Variants in SMO observed in about 807,000 individuals in gnomAD.
SMO encodes protein smoothened.
In SMO, 40 loss-of-function variants were observed where a neutral mutation model predicts 81.6. That is an observed-to-expected ratio of 0.49 (90% CI 0.38 to 0.64). The LOEUF (loss-of-function observed/expected upper bound fraction) is 0.64, where lower values mean the gene tolerates loss of function less well. SMO is among the 30% of genes least tolerant of loss of function. The pLI is 0.00. For missense variants in SMO, 916 were observed against 1,061.1 expected (o/e 0.86, Z 1.90); for synonymous variants, 434 against 432.1 (o/e 1.00, Z -0.05).
Position 129,211,469 on chromosome 7 carries a change from C to CTCTTCAGAT in SMO, c.1802-163_1802-155dup. 1 of 804,704 alleles carries CTCTTCAGAT rather than the reference C, an allele frequency of 1.2e-6. No homozygotes were observed. The highest frequency in any genetic ancestry group is 2.1e-6 in the Non-Finnish European group (1 of 474,916). The allele number at this position is 804,704 out of a possible 1,614,324, so 49.8% of individuals were successfully genotyped here. On this transcript the variant is annotated intron_variant, in intron 10 of 11. Transcript: ENST00000249373. The surrounding 1 kb of genome is among the most constrained non-coding windows in gnomAD (Gnocchi z 4.6). Reference sequence around the variant, plus strand: ...GGCCCTTTGGGGACGTGAGGCCCTTCTCTTCAGATTCTGAAGGGGTAGAGA... The same window carrying CTCTTCAGAT: ...GGCCCTTTGGGGACGTGAGGCCCTTCTCTTCAGATTCTTCAGATTCTGAAGGGGTAGAGA...
rs567539359 is a variant in SMO, at chr7:129,200,731, T to TG, written c.332-2653_332-2652insG. On this transcript the variant is annotated intron_variant, in intron 1 of 11. Coordinates refer to ENST00000249373, the MANE Select transcript of SMO (RefSeq NM_005631.5). ...GATTGAGAAAAATTACAGTTTTTTTTTTGTTGTTGTTTGTTTGTTTGTTTT... is the reference window on the plus strand; with the variant it reads ...GATTGAGAAAAATTACAGTTTTTTTTGTTGTTGTTGTTTGTTTGTTTGTTTT... 9.7e-3 allele frequency among the ~76,000 whole-genome samples: 1,449 copies of TG among 149,702 alleles called. 16 individuals carry two copies. Among genetic ancestry groups the TG allele is most frequent in the African/African-American group, 0.029 (1,182 of 40,250 alleles).
Position 129,211,697 on chromosome 7 carries a change from T to C in SMO, c.1863T>C (p.His621=). ...ATGTCTCCTCTGCCTGGGCCCAGCATGTCACCAAGATGGTGGCTCGGAGAG... is the reference window on the plus strand; with the variant it reads ...ATGTCTCCTCTGCCTGGGCCCAGCACGTCACCAAGATGGTGGCTCGGAGAG... ...SADVSSAWAQ[H]VTKMVARRGA... Residue 621 remains histidine (H), a synonymous_variant, in exon 11 of 12, where the codon CAT becomes CAC. Coordinates refer to ENST00000249373, the MANE Select transcript of SMO (RefSeq NM_005631.5). The surrounding 1 kb of genome is among the most constrained non-coding windows in gnomAD (Gnocchi z 4.6). The C allele has an allele frequency of 1.2e-6, 2 of 1,613,876 alleles. No homozygotes were observed. Among genetic ancestry groups the C allele is most frequent in the Non-Finnish European group, 1.7e-6 (2 of 1,179,986 alleles).
At position 129,212,661 on chromosome 7, in the gene SMO, A is replaced by C; in HGVS notation, c.*210A>C. 1 of 588,402 alleles carries C rather than the reference A, an allele frequency of 1.7e-6. No individual in the cohort carries two copies. 36.4% of individuals were successfully genotyped at this position (588,402 alleles called of 1,614,324 possible). ...CATGGGGAGGCCTCACCCCAGGGACAGGGCCCTGGAGCTCAGGGTCCTTGT... is the reference window on the plus strand; with the variant it reads ...CATGGGGAGGCCTCACCCCAGGGACCGGGCCCTGGAGCTCAGGGTCCTTGT... On this transcript the variant is annotated 3_prime_UTR_variant, in exon 12 of 12. Transcript: ENST00000249373. The surrounding 1 kb of genome is among the most constrained non-coding windows in gnomAD (Gnocchi z 5.0).
At position 129,210,261 on chromosome 7, in the gene SMO, C is replaced by T. The variant is rs1584665003; in HGVS notation, c.1467-102C>T. The T allele has an allele frequency of 5.2e-6, 5 of 956,188 alleles. No homozygotes were observed. Among genetic ancestry groups the T allele is most frequent in the Middle Eastern group, 2.2e-4 (1 of 4,540 alleles). The allele number at this position is 956,188 out of a possible 1,614,324, so 59.2% of individuals were successfully genotyped here. ...TGGAAGCTGCAGTGGGTTGTGATCACGCCACCGCACTCTAGCCTGGGTGAC... is the reference window on the plus strand; with the variant it reads ...TGGAAGCTGCAGTGGGTTGTGATCATGCCACCGCACTCTAGCCTGGGTGAC... On this transcript the variant is annotated intron_variant, in intron 8 of 11. Coordinates refer to ENST00000249373, the MANE Select transcript of SMO (RefSeq NM_005631.5). This position sits in a 1 kb window ranked among gnomAD's most constrained non-coding sequence, Gnocchi z 4.7.
Position 129,189,317 on chromosome 7 carries a change from G to A in SMO, c.166G>A (p.Gly56Ser), listed in dbSNP as rs1270619742. 6.7e-7 allele frequency: 1 copy of A among 1,496,928 alleles called. No individual in the cohort carries two copies. Among genetic ancestry groups the A allele is most frequent in the Non-Finnish European group, 8.8e-7 (1 of 1,130,804 alleles). 92.7% of individuals were successfully genotyped at this position (1,496,928 alleles called of 1,614,324 possible). The stretch of plus-strand genomic sequence containing the variant: ...CGCGAGGAGGAGCGCGGCGGTGACT[G>A]GCCCTCCGCCGCCGCTGAGCCACTG... ...GSARRSAAVT[G>S]PPPPLSHCGR... Residue 56 changes from glycine (G) to serine (S), a missense_variant, in exon 1 of 12, where the codon GGC (glycine) becomes AGC (serine). Transcript: ENST00000249373. This position sits in a 1 kb window ranked among gnomAD's most constrained non-coding sequence, Gnocchi z 4.7.
chr7:129,200,967 C>T (rs1012920952), intron 1 of SMO, among the ~76,000 whole-genome samples: 3 of 151,482 alleles, frequency 2.0e-5, no homozygotes, highest in African/African-American at 4.9e-5. Context: ...AAACTCCCGA[C>T]CTCAAGTGAT....
At chr7:129,196,057 T>C (rs368198581) in intron 1 of SMO, among the ~76,000 whole-genome samples, 44 of 143,776 alleles carry the variant, frequency 3.1e-4, no homozygotes, top group Middle Eastern at 3.6e-3. Flanking sequence ...GCCGAGATCG[T>C]GCCACTGCAC....
intron 8 of SMO, 74 bp downstream of exon 8, chr7:129,209,471 C>T (rs1384158940): frequency 9.6e-6 from 9 of 942,374 alleles, no homozygotes; most frequent in East Asian, 4.9e-5. Context: ...CTCCACCCAC[C>T]GGGCAGCAGG....
chr7:129,211,891 G>C lies in SMO; in HGVS notation c.1936+121G>C, dbSNP rs1793876363. On this transcript the variant is annotated intron_variant, in intron 11 of 11. Coordinates refer to ENST00000249373, the MANE Select transcript of SMO (RefSeq NM_005631.5). This position sits in a 1 kb window ranked among gnomAD's most constrained non-coding sequence, Gnocchi z 4.6. ...AGGAAGGAAAGGCCCCAGAGGATCT[G>C]AAGAGTGGGGCTGAGGCTCTAAGAG... The C allele has an allele frequency of 1.7e-5, 25 of 1,445,614 alleles. No individual in the cohort carries two copies. Among genetic ancestry groups the C allele is most frequent in the Non-Finnish European group, 2.4e-5 (25 of 1,048,840 alleles). The allele number at this position is 1,445,614 out of a possible 1,614,324, so 89.5% of individuals were successfully genotyped here.
chr7:129,204,756 G>A (rs373090407), intron 2 of SMO, among the ~76,000 whole-genome samples: 4 of 152,224 alleles, frequency 2.6e-5, no homozygotes, highest in East Asian at 1.9e-4. Context: ...AGTGGCTCAC[G>A]CCTGTAATCC....
chr7:129,212,392 A>C lies in SMO; in HGVS notation c.2305A>C (p.Ile769Leu), dbSNP rs769675703. 2 of 1,613,880 alleles carry C rather than the reference A, an allele frequency of 1.2e-6. No individual in the cohort carries two copies. The highest frequency in any genetic ancestry group is 4.5e-5 in the East Asian group (2 of 44,894). ...TGGCCGCCGACAGGGCCTGGGGCCT[A>C]TTCACTCCCGCACCAACCTGATGGA... ...AHGRRQGLGP[I>L]HSRTNLMDTE... Residue 769 changes from isoleucine (I) to leucine (L), a missense_variant, in exon 12 of 12, where the codon ATT becomes CTT. Around this residue, in one of 4 missense-constraint regions of SMO, gnomAD observed 324 missense variants for 312.9 expected, o/e 1.04. Coordinates refer to ENST00000249373, the MANE Select transcript of SMO (RefSeq NM_005631.5). The surrounding 1 kb of genome is among the most constrained non-coding windows in gnomAD (Gnocchi z 5.0).
chr7:129,202,496 G>A (rs1793687437), intron 1 of SMO, among the ~76,000 whole-genome samples: 1 of 152,194 alleles, frequency 6.6e-6, no homozygotes, highest in South Asian at 2.1e-4. Context: ...TATTGCTGAA[G>A]CAGGGTTGAT....
chr7:129,211,734 C>T lies in SMO; in HGVS notation c.1900C>T (p.Pro634Ser), dbSNP rs765350977. 12 of 1,614,042 alleles carry T rather than the reference C, an allele frequency of 7.4e-6. No individual in the cohort carries two copies. The highest frequency in any genetic ancestry group is 1.0e-5 in the Non-Finnish European group (12 of 1,179,996). ...KMVARRGAIL[P>S]QDISVTPVAT... Reference sequence around the variant, plus strand: ...GGTGGCTCGGAGAGGAGCCATACTGCCCCAGGATATTTCTGTCACCCCTGT... The same window carrying T: ...GGTGGCTCGGAGAGGAGCCATACTGTCCCAGGATATTTCTGTCACCCCTGT... Residue 634 changes from proline (P) to serine (S), a missense_variant, in exon 11 of 12, where the codon CCC (proline) becomes TCC (serine). Coordinates refer to ENST00000249373, the MANE Select transcript of SMO (RefSeq NM_005631.5). This position sits in a 1 kb window ranked among gnomAD's most constrained non-coding sequence, Gnocchi z 4.6.
chr7:129,194,548 C>G (rs1041683398), intron 1 of SMO, among the ~76,000 whole-genome samples: 1 of 152,212 alleles, frequency 6.6e-6, no homozygotes, highest in Non-Finnish European at 1.5e-5. Flanking sequence ...TCACATCCCC[C>G]TCCCCTTGCT....
In SMO at chr7:129,212,671, A is replaced by G; in HGVS notation, c.*220A>G. ...CCTCACCCCAGGGACAGGGCCCTGGAGCTCAGGGTCCTTGTTTCTGCCCTG... is the reference window on the plus strand; with the variant it reads ...CCTCACCCCAGGGACAGGGCCCTGGGGCTCAGGGTCCTTGTTTCTGCCCTG... On this transcript the variant is annotated 3_prime_UTR_variant, in exon 12 of 12. Transcript: ENST00000249373. This position sits in a 1 kb window ranked among gnomAD's most constrained non-coding sequence, Gnocchi z 5.0. 1.7e-6 allele frequency: 1 copy of G among 576,434 alleles called. No individual in the cohort carries two copies. The highest frequency in any genetic ancestry group is 2.2e-5 in the South Asian group (1 of 44,950). 35.7% of individuals were successfully genotyped at this position (576,434 alleles called of 1,614,324 possible). A position where few individuals can be genotyped will look rare whatever the true frequency, so the allele number is the denominator to read the frequency against.
rs191971888 is a variant in SMO, at chr7:129,193,308, C to T, written c.331+3826C>T. 2.1e-3 allele frequency among the ~76,000 whole-genome samples: 323 copies of T among 152,210 alleles called. 2 individuals carry two copies. The highest frequency in any genetic ancestry group is 7.3e-3 in the African/African-American group (305 of 41,534). On this transcript the variant is annotated intron_variant, in intron 1 of 11. Coordinates refer to ENST00000249373, the MANE Select transcript of SMO (RefSeq NM_005631.5). Reference sequence around the variant, plus strand: ...CACTTGCAGGTAAGTAGGAGAGAGACAAAGGCTGGGAGGAATTTCTTGTTT... The same window carrying T: ...CACTTGCAGGTAAGTAGGAGAGAGATAAAGGCTGGGAGGAATTTCTTGTTT...
At chr7:129,199,727 A>T (rs1439161098) in intron 1 of SMO, among the ~76,000 whole-genome samples, 3 of 152,196 alleles carry the variant, frequency 2.0e-5, no homozygotes, top group East Asian at 3.9e-4. Context: ...ACAGTGTGAG[A>T]CCCTATCTCA....
chr7:129,209,229 C>T, intron 7 of SMO, 60 bp from the exon 8 acceptor site: 1 of 1,008,932 alleles, frequency 9.9e-7, no homozygotes, highest in Non-Finnish European at 1.6e-6. Context: ...ACTCTCTCCT[C>T]CCCACTGCTG....
chr7:129,211,698 G>T lies in SMO; in HGVS notation c.1864G>T (p.Val622Phe), dbSNP rs1186047164. The change falls in exon 11 of 12, where the codon GTC becomes TTC. Residue 622 changes from valine (V) to phenylalanine (F), a missense_variant. Coordinates refer to ENST00000249373, the MANE Select transcript of SMO (RefSeq NM_005631.5). This position sits in a 1 kb window ranked among gnomAD's most constrained non-coding sequence, Gnocchi z 4.6. ...ADVSSAWAQH[V>F]TKMVARRGAI... ...TGTCTCCTCTGCCTGGGCCCAGCAT[G>T]TCACCAAGATGGTGGCTCGGAGAGG... 6.2e-7 allele frequency: 1 copy of T among 1,613,838 alleles called. No individual in the cohort carries two copies. The highest frequency in any genetic ancestry group is 1.3e-5 in the African/African-American group (1 of 74,994).
Sources: gnomAD v4.1 joint callset for allele counts (sites outside exome capture counted in the v4.1 genomes callset) on GRCh38, gnomAD v4.1.1 for gene constraint, gnomAD v4.1.1 regional missense constraint, Gnocchi (gnomAD v3.1) non-coding constraint, MANE v1.5 for transcripts, NCBI Gene and HGNC (gene_info 2026-07-23, HGNC 2026-07-21) for gene names.